ULK4: variants seen among roughly 807,000 people sequenced by gnomAD.
ULK4 encodes inactive serine/threonine-protein kinase ULK4.
ULK4 carries 133 observed loss-of-function variants against 160.6 expected under a neutral mutation model. That is an observed-to-expected ratio of 0.83 (90% CI 0.72 to 0.96). ULK4 has a LOEUF of 0.96. Among genes scored for constraint, ULK4 ranks in the 40% least tolerant of loss-of-function variants. The pLI is 0.00. For synonymous variants in ULK4, 534 were observed against 539.8 expected (o/e 0.99, Z 0.15); for missense variants, 1,580 against 1,499.5 (o/e 1.05, Z -0.89).
chr3:41,252,968 A>G (rs2078768991), intron 35 of ULK4, among the ~76,000 whole-genome samples: 1 of 152,146 alleles, frequency 6.6e-6, no homozygotes, highest in African/African-American at 2.4e-5. Flanking sequence ...CTCATCTGAA[A>G]CTACTGAGGC....
At chr3:41,483,408 C>T (rs1272576434) in intron 32 of ULK4, among the ~76,000 whole-genome samples, 1 of 152,158 alleles carries the variant, frequency 6.6e-6, no homozygotes, top group African/African-American at 2.4e-5. Context: ...CTTTCCCCAT[C>T]CCCACCTCAT....
intron 30 of ULK4, among the ~76,000 whole-genome samples, chr3:41,648,295 C>T (rs1295527083): frequency 1.3e-5 from 2 of 152,160 alleles, no homozygotes; most frequent in Non-Finnish European, 2.9e-5. Flanking sequence ...GTGTCGCTCA[C>T]GCTGGGAGCT....
intron 22 of ULK4, among the ~76,000 whole-genome samples, chr3:41,742,195 A>G (rs1006010741): frequency 6.6e-6 from 1 of 151,826 alleles, no homozygotes; most frequent in Non-Finnish European, 1.5e-5. Flanking sequence ...TCAATTCCTC[A>G]ACTGAGAAGT....
intron 34 of ULK4, among the ~76,000 whole-genome samples, chr3:41,439,245 T>C (rs1406496736): frequency 6.6e-6 from 1 of 152,146 alleles, no homozygotes; most frequent in Non-Finnish European, 1.5e-5. Flanking sequence ...AATAATAGCT[T>C]GAGATAGAAA....
intron 2 of ULK4, among the ~76,000 whole-genome samples, chr3:41,948,945 C>T (rs1007575454): frequency 1.3e-5 from 2 of 151,970 alleles, no homozygotes; most frequent in Admixed American, 6.6e-5. Flanking sequence ...AAAAAAAAGG[C>T]ATCCAAATTG....
intron 32 of ULK4, among the ~76,000 whole-genome samples, chr3:41,548,536 G>T (rs1202890937): frequency 6.6e-6 from 1 of 152,112 alleles, no homozygotes; most frequent in African/African-American, 2.4e-5. Context: ...CATGGAGACT[G>T]GCATGCGCAG....
chr3:41,780,243 G>A (rs75442930), intron 21 of ULK4, among the ~76,000 whole-genome samples: 8 of 151,888 alleles, frequency 5.3e-5, no homozygotes, highest in East Asian at 1.9e-4. Flanking sequence ...AGGAGGCAGC[G>A]GTTTCAGTGA....
intron 17 of ULK4, among the ~76,000 whole-genome samples, chr3:41,849,130 T>G (rs1285233570): frequency 6.6e-6 from 1 of 152,216 alleles, no homozygotes; most frequent in East Asian, 1.9e-4. Flanking sequence ...GCAGCAACCC[T>G]CTGAGATTTT....
At chr3:41,507,597 T>A (rs1409091177) in intron 32 of ULK4, among the ~76,000 whole-genome samples, 2 of 54,544 alleles carry the variant, frequency 3.7e-5, no homozygotes, top group Non-Finnish European at 6.9e-5. Context: ...TGAAATAATA[T>A]ATTAAAACCA....
At chr3:41,753,129 C>A (rs1045314137) in intron 22 of ULK4, among the ~76,000 whole-genome samples, 1 of 152,084 alleles carries the variant, frequency 6.6e-6, no homozygotes, top group Non-Finnish European at 1.5e-5. Context: ...ATGAGAGGAT[C>A]GCTTGGGCCT....
In ULK4 at chr3:41,511,162, C is replaced by CAA. The variant is rs57133226; in HGVS notation, c.3227-47911_3227-47910dup. ...TGGGCGACAGAGCGAGACTCCGTCT[C>CAA]AAAAAAAAAAAAAAAAAAAAAAGTC... On this transcript the variant is annotated intron_variant, in intron 32 of 36. Transcript: ENST00000301831. 1.8e-3 allele frequency among the ~76,000 whole-genome samples: 173 copies of CAA among 97,524 alleles called. 2 individuals are homozygous for CAA. Among genetic ancestry groups the CAA allele is most frequent in the African/African-American group, 5.3e-3 (143 of 26,848 alleles). The allele number at this position is 97,524 out of a possible 152,430, so 64.0% of individuals were successfully genotyped here. A position where few individuals can be genotyped will look rare whatever the true frequency, so the allele number is the denominator to read the frequency against.
intron 23 of ULK4, among the ~76,000 whole-genome samples, chr3:41,716,389 A>G (rs1446107526): frequency 1.3e-5 from 2 of 152,118 alleles, no homozygotes; most frequent in African/African-American, 2.4e-5. Context: ...CTTTGTGGAC[A>G]TCAGAATCTT....
At chr3:41,567,443 ATT>A (rs71288055) in intron 31 of ULK4, among the ~76,000 whole-genome samples, 1,242 of 90,274 alleles carry the variant, frequency 0.014, 5 homozygotes, top group African/African-American at 0.016. Flanking sequence ...CACTTAACAG[ATT>A]TTTTTTTTTT....
chr3:41,948,650 T>C (rs1189637858), intron 2 of ULK4, among the ~76,000 whole-genome samples: 4 of 149,600 alleles, frequency 2.7e-5, no homozygotes, highest in African/African-American at 9.9e-5. Context: ...TATACCACAT[T>C]ATGAAGGGGA....
chr3:41,538,150 C>T (rs1380078438), intron 32 of ULK4, among the ~76,000 whole-genome samples: 2 of 152,142 alleles, frequency 1.3e-5, no homozygotes, highest in East Asian at 1.9e-4. Context: ...GCTTTAGATC[C>T]TTCATCTTTC....
chr3:41,428,407 G>C (rs926062313), intron 34 of ULK4, among the ~76,000 whole-genome samples: 1 of 151,930 alleles, frequency 6.6e-6, no homozygotes, highest in Non-Finnish European at 1.5e-5. Context: ...CAAAGAATTA[G>C]AAAAAACTAC....
At chr3:41,334,664 G>A (rs917024486) in intron 35 of ULK4, among the ~76,000 whole-genome samples, 2 of 152,166 alleles carry the variant, frequency 1.3e-5, no homozygotes, top group African/African-American at 4.8e-5. Context: ...CAGGAAGTCT[G>A]CTTGTGAGGC....
intron 12 of ULK4, among the ~76,000 whole-genome samples, chr3:41,906,466 C>T (rs889884049): frequency 6.6e-6 from 1 of 152,000 alleles, no homozygotes. Flanking sequence ...GAGGTCCTGG[C>T]TGCAGTGAGC....
chr3:41,364,064 T>C (rs558926825), intron 35 of ULK4, among the ~76,000 whole-genome samples: 1 of 152,118 alleles, frequency 6.6e-6, no homozygotes, highest in Non-Finnish European at 1.5e-5. Flanking sequence ...CCTGAGTAGC[T>C]AGGACTACAG....
Sources: gnomAD v4.1 joint callset for allele counts (sites outside exome capture counted in the v4.1 genomes callset) on GRCh38, gnomAD v4.1.1 for gene constraint, MANE v1.5 for transcripts, NCBI Gene and HGNC (gene_info 2026-07-23, HGNC 2026-07-21) for gene names.